The following ARHGAP18 variants were observed in gnomAD, a reference collection of about 807,000 sequenced individuals.
ARHGAP18 encodes the protein Rho GTPase activating protein 18, also known as rho GTPase-activating protein 18.
In ARHGAP18, 67 loss-of-function variants were observed where a neutral mutation model predicts 86.2. The observed-to-expected ratio is 0.78, with a 90% CI of 0.64 to 0.95. The LOEUF is 0.95. Among genes scored for constraint, ARHGAP18 ranks in the 40% least tolerant of loss-of-function variants. The pLI is 0.00. For missense variants in ARHGAP18, 691 were observed against 780.4 expected (o/e 0.89, Z 1.37); for synonymous variants, 283 against 280.4 (o/e 1.01, Z -0.09).
At chr6:129,699,988 T>A (rs994422021) in intron 1 of ARHGAP18, among the ~76,000 whole-genome samples, 38 of 152,158 alleles carry the variant, frequency 2.5e-4, no homozygotes, top group African/African-American at 9.2e-4. Flanking sequence ...TTTCAAATTT[T>A]TGTACTAAAT....
rs1348468994 is a variant in ARHGAP18, at chr6:129,625,464, TAA to T, written c.786+3887_786+3888del. Among the ~76,000 whole-genome samples, 8 of 53,242 alleles carry T rather than the reference TAA, an allele frequency of 1.5e-4. No homozygotes were observed. The South Asian group carries it at 4.5e-3, about 30-fold the overall frequency. The allele number at this position is 53,242 out of a possible 152,430, so 34.9% of individuals were successfully genotyped here. A position where few individuals can be genotyped will look rare whatever the true frequency, so the allele number is the denominator to read the frequency against. On this transcript the variant is annotated intron_variant, in intron 5 of 14. Coordinates refer to ENST00000368149, the MANE Select transcript of ARHGAP18 (RefSeq NM_033515.3). The stretch of plus-strand genomic sequence containing the variant: ...TATATTTTATATTATATATTATATA[TAA>T]TATATATTTTATATTATATATTATA...
intron 3 of ARHGAP18, 55 bp from the exon 4 acceptor site, chr6:129,634,160 G>T: frequency 6.8e-7 from 1 of 1,474,890 alleles, no homozygotes; most frequent in South Asian, 1.2e-5. Flanking sequence ...CAGAGAAAAT[G>T]GTACTGTAAA....
intron 4 of ARHGAP18, among the ~76,000 whole-genome samples, chr6:129,633,824 G>A (rs1284787440): frequency 1.3e-5 from 2 of 152,126 alleles, no homozygotes; most frequent in African/African-American, 4.8e-5. Flanking sequence ...AGGAAGATAC[G>A]TATACGCATT....
intron 1 of ARHGAP18, among the ~76,000 whole-genome samples, chr6:129,649,282 G>A (rs554846121): frequency 1.3e-4 from 20 of 152,110 alleles, no homozygotes; most frequent in Non-Finnish European, 2.6e-4. Context: ...GCGGCCAGGT[G>A]CGGTGACTCA....
intron 1 of ARHGAP18, among the ~76,000 whole-genome samples, chr6:129,707,348 AAAG>A (rs1234730702): frequency 7.2e-5 from 11 of 152,288 alleles, no homozygotes; most frequent in Admixed American, 1.3e-4. Flanking sequence ...TAAATATTTC[AAAG>A]AACATATTAC....
intron 7 of ARHGAP18, among the ~76,000 whole-genome samples, chr6:129,614,442 G>C (rs905799968): frequency 6.6e-6 from 1 of 151,942 alleles, no homozygotes; most frequent in African/African-American, 2.4e-5. Context: ...AAATACTTTA[G>C]GGCCATTATC....
At chr6:129,630,894 G>A (rs1319696112) in intron 4 of ARHGAP18, among the ~76,000 whole-genome samples, 1 of 152,140 alleles carries the variant, frequency 6.6e-6, no homozygotes. Context: ...AAGAAAGTAA[G>A]AATTTACCTG....
chr6:129,660,106 C>G (rs943591305), intron 1 of ARHGAP18, among the ~76,000 whole-genome samples: 5 of 152,208 alleles, frequency 3.3e-5, no homozygotes, highest in Non-Finnish European at 7.3e-5. Flanking sequence ...GGGAATAAGG[C>G]TGCCGCCAAA....
intron 1 of ARHGAP18, among the ~76,000 whole-genome samples, chr6:129,677,711 C>T (rs1024528942): frequency 6.6e-6 from 1 of 152,136 alleles, no homozygotes. Flanking sequence ...TCTCAGAATT[C>T]TGTTATCATT....
intron 5 of ARHGAP18, among the ~76,000 whole-genome samples, chr6:129,625,780 T>A: frequency 6.5e-5 from 2 of 30,606 alleles, no homozygotes; most frequent in East Asian, 1.9e-3. Context: ...TATATTTATA[T>A]ATATAATATA....
chr6:129,635,989 C>T (rs1490087447), intron 3 of ARHGAP18, among the ~76,000 whole-genome samples: 1 of 152,200 alleles, frequency 6.6e-6, no homozygotes. Flanking sequence ...TGGCAGAAAT[C>T]CCACAATTTA....
intron 1 of ARHGAP18, among the ~76,000 whole-genome samples, chr6:129,706,979 C>A (rs1774812086): frequency 6.6e-6 from 1 of 150,768 alleles, no homozygotes; most frequent in Non-Finnish European, 1.5e-5. Context: ...GTAATCCCAG[C>A]ACTTTGGGGG....
At chr6:129,659,280 G>A (rs1773901751) in intron 1 of ARHGAP18, among the ~76,000 whole-genome samples, 1 of 152,162 alleles carries the variant, frequency 6.6e-6, no homozygotes, top group East Asian at 1.9e-4. Context: ...GAGCCCAGCA[G>A]AGACAATTGC....
rs368639406 is a variant in ARHGAP18, at chr6:129,599,360, T to C, written c.1573-4A>G. 201 of 1,534,864 alleles carry C rather than the reference T, an allele frequency of 1.3e-4. 2 individuals are homozygous for C. In the African/African-American group the frequency reaches 2.6e-3, roughly 20 times the overall value. On this transcript the variant is annotated splice_region_variant and splice_polypyrimidine_tract_variant and intron_variant, in intron 11 of 14. Transcript: ENST00000368149. Reference sequence around the variant, plus strand: ...GGTTTACAATAAACTTGGGAATCTATAGAGAAAAGGAATTAAGCTTAGAGA... The same window carrying C: ...GGTTTACAATAAACTTGGGAATCTACAGAGAAAAGGAATTAAGCTTAGAGA...
chr6:129,648,933 C>T (rs1319695770), intron 1 of ARHGAP18, among the ~76,000 whole-genome samples: 3 of 152,160 alleles, frequency 2.0e-5, no homozygotes, highest in East Asian at 1.9e-4. Context: ...TTTACCCCTT[C>T]GAAGAGAATG....
At chr6:129,585,335 T>C (rs1025212114) in intron 12 of ARHGAP18, among the ~76,000 whole-genome samples, 7 of 152,100 alleles carry the variant, frequency 4.6e-5, no homozygotes, top group Admixed American at 6.6e-5. Flanking sequence ...AGCAGAGATA[T>C]ACAACAGATG....
At chr6:129,704,182 C>T (rs896489791) in intron 1 of ARHGAP18, among the ~76,000 whole-genome samples, 5 of 152,168 alleles carry the variant, frequency 3.3e-5, no homozygotes, top group Non-Finnish European at 5.9e-5. Flanking sequence ...TGAGGGCTCA[C>T]ACCTATAATC....
At chr6:129,580,337 G>T (rs945800209) in intron 13 of ARHGAP18, among the ~76,000 whole-genome samples, 1 of 152,010 alleles carries the variant, frequency 6.6e-6, no homozygotes, top group African/African-American at 2.4e-5. Flanking sequence ...ATAAACAAAT[G>T]GAATTATACA....
chr6:129,615,583 T>C (rs913518617), intron 7 of ARHGAP18, among the ~76,000 whole-genome samples: 8 of 152,212 alleles, frequency 5.3e-5, no homozygotes, highest in Non-Finnish European at 1.0e-4. Flanking sequence ...ATCTACGGCT[T>C]GGGTAGTTCA....
Sources: allele counts gnomAD v4.1 joint callset (sites outside exome capture counted in the v4.1 genomes callset), GRCh38; gene constraint gnomAD v4.1.1; transcripts MANE v1.5; gene names NCBI Gene and HGNC (gene_info 2026-07-23, HGNC 2026-07-21).